Variants in TMEM181 observed in about 807,000 individuals in gnomAD.
TMEM181 encodes G protein-coupled receptor 178.
Under a neutral mutation model 71.9 loss-of-function variants are expected in TMEM181, and 39 were observed. The observed-to-expected ratio is 0.54, with a 90% CI of 0.42 to 0.71. The LOEUF is 0.71. Among genes scored for constraint, TMEM181 ranks in the 30% least tolerant of loss-of-function variants. TMEM181 has a pLI of 0.00. For missense variants in TMEM181, 595 were observed against 583.0 expected (o/e 1.02, Z -0.21); for synonymous variants, 245 against 228.8 (o/e 1.07, Z -0.64).
intron 13 of TMEM181, 130 bp downstream of exon 13, chr6:158,625,884 G>A (rs1180518428): frequency 2.5e-6 from 2 of 812,052 alleles, no homozygotes; most frequent in Non-Finnish European, 2.0e-6. Flanking sequence ...AGGTTAGAGG[G>A]CCTCCCACCA....
chr6:158,571,877 G>A (rs1008503611), intron 1 of TMEM181, among the ~76,000 whole-genome samples: 2 of 152,212 alleles, frequency 1.3e-5, no homozygotes, highest in African/African-American at 4.8e-5. Flanking sequence ...AAGGTGTTGA[G>A]TTTGCTCCCT....
intron 1 of TMEM181, among the ~76,000 whole-genome samples, chr6:158,567,171 G>A (rs748068354): frequency 1.3e-5 from 2 of 152,204 alleles, no homozygotes; most frequent in Non-Finnish European, 2.9e-5. Context: ...GGGCCAGGAG[G>A]GGAAACTGAC....
chr6:158,601,899 T>A (rs1462563467), intron 6 of TMEM181, among the ~76,000 whole-genome samples: 1 of 152,220 alleles, frequency 6.6e-6, no homozygotes, highest in Non-Finnish European at 1.5e-5. Flanking sequence ...GAGCTGGAAT[T>A]TGAACCTGAA....
At chr6:158,594,315 T>C (rs1213653857) in intron 6 of TMEM181, among the ~76,000 whole-genome samples, 2 of 152,002 alleles carry the variant, frequency 1.3e-5, no homozygotes, top group Non-Finnish European at 2.9e-5. Context: ...GCCAGGCTGG[T>C]CTCGAACTCC....
chr6:158,626,487 G>A, intron 13 of TMEM181: 1 of 456,596 alleles, frequency 2.2e-6, no homozygotes, highest in South Asian at 1.5e-5. Flanking sequence ...AGTGACAAGG[G>A]GCCTCTGGGA....
chr6:158,538,778 A>C (rs1453914196), intron 1 of TMEM181, among the ~76,000 whole-genome samples: 1 of 152,216 alleles, frequency 6.6e-6, no homozygotes, highest in Non-Finnish European at 1.5e-5. Context: ...CTCATCTTGA[A>C]AGTGACATTT....
At chr6:158,591,632 A>G (rs981377499) in intron 6 of TMEM181, among the ~76,000 whole-genome samples, 3 of 151,920 alleles carry the variant, frequency 2.0e-5, no homozygotes, top group Non-Finnish European at 4.4e-5. Context: ...GTCCTTTGTT[A>G]ATCATCTGTG....
chr6:158,568,916 A>T (rs997496151), intron 1 of TMEM181, among the ~76,000 whole-genome samples: 1 of 152,234 alleles, frequency 6.6e-6, no homozygotes, highest in East Asian at 1.9e-4. Context: ...GCTATGATTG[A>T]TCTGAAACGG....
intron 15 of TMEM181, among the ~76,000 whole-genome samples, chr6:158,630,312 A>G (rs1401958946): frequency 6.6e-6 from 1 of 152,110 alleles, no homozygotes; most frequent in African/African-American, 2.4e-5. Context: ...CCTGGGGAAC[A>G]AAATAGGGAC....
chr6:158,579,615 A>G (rs1562632364), intron 2 of TMEM181, among the ~76,000 whole-genome samples: 1 of 152,034 alleles, frequency 6.6e-6, no homozygotes, highest in Non-Finnish European at 1.5e-5. Flanking sequence ...GCTACTTGGG[A>G]GGCTGAGGCA....
rs1002104255 is a variant in TMEM181, at chr6:158,560,166, G to T, written c.-59G>T. ...TGCGGCTGCCGCTGCCGAGGCTGCT[G>T]CGCGGCGCCTGGCGGGCTCGGGACG... On this transcript the variant is annotated 5_prime_UTR_variant, in exon 1 of 17. Transcript: ENST00000684151. 16 of 984,822 alleles carry T rather than the reference G, an allele frequency of 1.6e-5. No individual in the cohort carries two copies. The highest frequency in any genetic ancestry group is 1.9e-5 in the Non-Finnish European group (16 of 829,792). The allele number at this position is 984,822 out of a possible 1,614,324, so 61.0% of individuals were successfully genotyped here.
intron 2 of TMEM181, among the ~76,000 whole-genome samples, chr6:158,575,822 C>T (rs1352845976): frequency 1.3e-5 from 2 of 152,150 alleles, no homozygotes; most frequent in African/African-American, 4.8e-5. Flanking sequence ...GTATTTCCTC[C>T]TTTTGAGTGG....
In TMEM181 at chr6:158,633,594, T is replaced by G. The variant is rs1191965694; in HGVS notation, c.*1706T>G. The G allele has an allele frequency of 6.8e-6, 1 of 147,072 alleles. No homozygotes were observed. Among genetic ancestry groups the G allele is most frequent in the Non-Finnish European group, 1.5e-5 (1 of 66,334 alleles). The allele number at this position is 147,072 out of a possible 1,614,324, so 9.1% of individuals were successfully genotyped here. ...TCACGTTATCATCCACGTTAAGTAGTGCTAGGTAGGACCTTAGAGATGTTC... is the reference window on the plus strand; with the variant it reads ...TCACGTTATCATCCACGTTAAGTAGGGCTAGGTAGGACCTTAGAGATGTTC... On this transcript the variant is annotated 3_prime_UTR_variant, in exon 17 of 17. Transcript: ENST00000684151.
chr6:158,618,023 C>T (rs534553513), intron 10 of TMEM181, among the ~76,000 whole-genome samples: 8 of 152,170 alleles, frequency 5.3e-5, no homozygotes, highest in South Asian at 2.1e-4. Flanking sequence ...GTTCAAGTCC[C>T]GGATATCCTT....
At chr6:158,563,224 A>G (rs1448115470) in intron 1 of TMEM181, among the ~76,000 whole-genome samples, 1 of 152,102 alleles carries the variant, frequency 6.6e-6, no homozygotes, top group African/African-American at 2.4e-5. Context: ...GCTCACTGCA[A>G]CCTCTGCCTC....
intron 13 of TMEM181, among the ~76,000 whole-genome samples, chr6:158,627,109 T>A (rs202131011): frequency 1.7e-4 from 18 of 107,026 alleles, no homozygotes; most frequent in South Asian, 6.1e-4. Context: ...TTTCACCCTC[T>A]CTCACACCCT....
chr6:158,635,197 C>CA lies in TMEM181; in HGVS notation c.*3313dup, dbSNP rs750266525. 6.6e-6 allele frequency: 1 copy of CA among 152,148 alleles called. No homozygotes were observed. Among genetic ancestry groups the CA allele is most frequent in the Non-Finnish European group, 1.5e-5 (1 of 68,014 alleles). The allele number at this position is 152,148 out of a possible 1,614,324, so 9.4% of individuals were successfully genotyped here. On this transcript the variant is annotated 3_prime_UTR_variant, in exon 17 of 17. Transcript: ENST00000684151. ...TCTGCTACTAAAAACTGCCTTTTTA[C>CA]AAAATGACTGTAAATATTTGTAAAA...
At chr6:158,625,309 C>G in intron 12 of TMEM181, 103 bp downstream of exon 12, 1 of 1,010,298 alleles carries the variant, frequency 9.9e-7, no homozygotes, top group Non-Finnish European at 1.5e-6. Flanking sequence ...CCTTGAGGGC[C>G]CAGGGACTGG....
At chr6:158,584,725 A>G (rs1783670263) in intron 4 of TMEM181, among the ~76,000 whole-genome samples, 1 of 152,240 alleles carries the variant, frequency 6.6e-6, no homozygotes, top group Non-Finnish European at 1.5e-5. Flanking sequence ...ATGAAGTGAA[A>G]CAAATATATA....
Sources: gnomAD v4.1 joint callset for allele counts (sites outside exome capture counted in the v4.1 genomes callset) on GRCh38, gnomAD v4.1.1 for gene constraint, MANE v1.5 for transcripts, NCBI Gene and HGNC (gene_info 2026-07-23, HGNC 2026-07-21) for gene names.